Variants in CFAP299 observed in about 807,000 individuals in gnomAD.
CFAP299 encodes the protein cilia and flagella associated protein 299, also known as cilia- and flagella-associated protein 299.
A neutral mutation model predicts 27.0 loss-of-function variants in CFAP299; 21 were observed. The observed-to-expected ratio is 0.78, with a 90% CI of 0.55 to 1.12. The LOEUF (loss-of-function observed/expected upper bound fraction) is 1.12, where lower values mean the gene tolerates loss of function less well. CFAP299 is among the 50% of genes most tolerant of loss of function. The pLI, the probability that CFAP299 is intolerant of heterozygous loss-of-function variation, is 0.00. For missense variants in CFAP299, 310 were observed against 276.6 expected (o/e 1.12, Z -0.86); for synonymous variants, 104 against 98.1 (o/e 1.06, Z -0.36).
intron 3 of CFAP299, among the ~76,000 whole-genome samples, chr4:80,719,030 C>G (rs1055866529): frequency 1.3e-5 from 2 of 152,036 alleles, no homozygotes; most frequent in African/African-American, 4.8e-5. Flanking sequence ...TCTTAGTAAA[C>G]TAATGCAGGA....
intron 3 of CFAP299, among the ~76,000 whole-genome samples, chr4:80,674,128 A>G (rs1212613428): frequency 6.6e-6 from 1 of 152,126 alleles, no homozygotes; most frequent in Non-Finnish European, 1.5e-5. Flanking sequence ...GATGATCTTT[A>G]CAATTTGGCA....
At chr4:80,424,873 T>G (rs1727460173) in intron 2 of CFAP299, among the ~76,000 whole-genome samples, 2 of 152,190 alleles carry the variant, frequency 1.3e-5, no homozygotes, top group African/African-American at 4.8e-5. Flanking sequence ...TTAATGGATT[T>G]AATCAAATTG....
chr4:80,776,345 C>T (rs72866749), intron 3 of CFAP299, among the ~76,000 whole-genome samples: 1,755 of 152,176 alleles, frequency 0.012, 30 homozygotes, highest in African/African-American at 0.037. Context: ...CTTTCAAACT[C>T]GTGGTGCTTC....
chr4:80,343,799 T>TGA (rs1722590950), intron 1 of CFAP299, among the ~76,000 whole-genome samples: 2 of 75,356 alleles, frequency 2.7e-5, no homozygotes, highest in Admixed American at 3.8e-4. Flanking sequence ...AGACTCCGTC[T>TGA]AAAAAAAAAA....
intron 2 of CFAP299, among the ~76,000 whole-genome samples, chr4:80,390,131 G>C (rs1725246458): frequency 1.3e-5 from 2 of 151,920 alleles, no homozygotes; most frequent in Admixed American, 1.3e-4. Flanking sequence ...TTTATGGTGA[G>C]AATATTTAAG....
At chr4:80,755,901 T>G (rs552940766) in intron 3 of CFAP299, among the ~76,000 whole-genome samples, 118 of 152,256 alleles carry the variant, frequency 7.8e-4, no homozygotes, top group African/African-American at 2.6e-3. Flanking sequence ...GTTTTGATCA[T>G]AAGAAATATT....
chr4:80,816,684 C>T (rs1309608841), intron 3 of CFAP299, among the ~76,000 whole-genome samples: 1 of 152,058 alleles, frequency 6.6e-6, no homozygotes, highest in African/African-American at 2.4e-5. Context: ...AGACTCTGGA[C>T]CCTTGATGAC....
At chr4:80,373,887 AT>A (rs148982568) in intron 2 of CFAP299, among the ~76,000 whole-genome samples, 2 of 152,116 alleles carry the variant, frequency 1.3e-5, no homozygotes, top group African/African-American at 4.8e-5. Context: ...TAACTAGCAC[AT>A]TTTTTATGCT....
At chr4:80,329,227 A>ATATATATG in the CFAP299 span, among the ~76,000 whole-genome samples, 3 of 148,886 alleles carry the variant, frequency 2.0e-5, no homozygotes, top group African/African-American at 7.4e-5. Flanking sequence ...ATATATATAT[A>ATATATATG]TATGTTATCA....
chr4:80,343,705 C>T (rs548509301), intron 1 of CFAP299, among the ~76,000 whole-genome samples: 8 of 146,830 alleles, frequency 5.4e-5, no homozygotes, highest in South Asian at 2.2e-4. Flanking sequence ...AGGAGAATGG[C>T]GTGAACCCGG....
chr4:80,490,428 C>T (rs560179614), intron 2 of CFAP299, among the ~76,000 whole-genome samples: 18 of 152,306 alleles, frequency 1.2e-4, no homozygotes, highest in African/African-American at 4.1e-4. Context: ...AATTACCGCA[C>T]ACTTTTGACT....
intron 2 of CFAP299, among the ~76,000 whole-genome samples, chr4:80,369,727 T>A (rs1724037297): frequency 6.6e-6 from 1 of 152,216 alleles, no homozygotes; most frequent in South Asian, 2.1e-4. Flanking sequence ...AGCCATAGCT[T>A]GTAGTTCAGT....
intron 3 of CFAP299, among the ~76,000 whole-genome samples, chr4:80,656,988 T>G (rs1258300099): frequency 6.6e-6 from 1 of 152,174 alleles, no homozygotes; most frequent in South Asian, 2.1e-4. Flanking sequence ...GATGATGAGC[T>G]TTTTTTCATA....
intron 2 of CFAP299, among the ~76,000 whole-genome samples, chr4:80,417,523 T>C (rs1025782789): frequency 3.3e-5 from 5 of 152,196 alleles, no homozygotes. Flanking sequence ...TATTGGTAGC[T>C]CTTTCCTTGA....
At chr4:80,944,333 CATAA>C (rs991384924) in intron 4 of CFAP299, among the ~76,000 whole-genome samples, 27 of 150,178 alleles carry the variant, frequency 1.8e-4, no homozygotes, top group Admixed American at 4.7e-4. Flanking sequence ...ACCACTCAAA[CATAA>C]ATAGTTTCCT....
chr4:80,455,251 A>G (rs1014017511), intron 2 of CFAP299, among the ~76,000 whole-genome samples: 4 of 152,194 alleles, frequency 2.6e-5, no homozygotes, highest in African/African-American at 9.7e-5. Flanking sequence ...GTTAAACTAT[A>G]AACTAAGTTC....
At chr4:80,794,971 T>C (rs1214104916) in intron 3 of CFAP299, among the ~76,000 whole-genome samples, 1 of 152,166 alleles carries the variant, frequency 6.6e-6, no homozygotes, top group African/African-American at 2.4e-5. Context: ...AAGCCCATGT[T>C]GCTGAGCCCA....
intron 3 of CFAP299, among the ~76,000 whole-genome samples, chr4:80,717,254 C>T (rs953682124): frequency 1.3e-5 from 2 of 152,050 alleles, no homozygotes. Context: ...ATCTGACCTA[C>T]CCTAAAAGGG....
chr4:80,414,143 T>C (rs367705372), intron 2 of CFAP299, among the ~76,000 whole-genome samples: 18 of 144,106 alleles, frequency 1.2e-4, no homozygotes, highest in African/African-American at 3.1e-4. Context: ...GGATCTCGGC[T>C]CACTGCAAGC....
Sources: allele counts gnomAD v4.1 joint callset (sites outside exome capture counted in the v4.1 genomes callset), GRCh38; gene constraint gnomAD v4.1.1; transcripts MANE v1.5; gene names NCBI Gene and HGNC (gene_info 2026-07-23, HGNC 2026-07-21).